The following SBF2 variants were observed in gnomAD, a reference collection of about 807,000 sequenced individuals.
The protein encoded by SBF2 is myotubularin-related protein 13.
Under a neutral mutation model 225.2 loss-of-function variants are expected in SBF2, and 112 were observed. The observed-to-expected ratio is 0.50, with a 90% CI of 0.43 to 0.58. The LOEUF (loss-of-function observed/expected upper bound fraction) is 0.58, where lower values mean the gene tolerates loss of function less well. Among genes scored for constraint, SBF2 ranks in the 20% least tolerant of loss-of-function variants. The pLI is 0.00. For missense variants in SBF2, 1,996 were observed against 2,206.2 expected (o/e 0.90, Z 1.91); for synonymous variants, 763 against 773.3 (o/e 0.99, Z 0.22).
rs118021014 is a variant in SBF2 at position 9,955,936 on chromosome 11, A to T, written c.1860+6021T>A. Among the ~76,000 whole-genome samples, 642 of 152,236 alleles carry T rather than the reference A, an allele frequency of 4.2e-3. 5 individuals are homozygous for T. Among genetic ancestry groups the T allele is most frequent in the South Asian group, 0.021 (99 of 4,826 alleles). ...TAAATATCCTTAAATAGTATATAAC[A>T]TGCACTTGAATTTTGTAAAGTGGAT... On this transcript the variant is annotated intron_variant, in intron 16 of 39. Coordinates refer to ENST00000256190, the MANE Select transcript of SBF2 (RefSeq NM_030962.4).
intron 9 of SBF2, among the ~76,000 whole-genome samples, chr11:9,996,523 G>T (rs1044563132): frequency 6.6e-5 from 10 of 152,112 alleles, no homozygotes; most frequent in African/African-American, 2.2e-4. Context: ...CTGAGTAGCT[G>T]GGATTACAGG....
intron 2 of SBF2, among the ~76,000 whole-genome samples, chr11:10,191,743 A>G (rs544997964): frequency 5.9e-5 from 9 of 152,222 alleles, no homozygotes; most frequent in South Asian, 2.1e-4. Context: ...GCACTTGAAC[A>G]TGGCAGTGTC....
chr11:9,795,392 AG>A, intron 33 of SBF2, among the ~76,000 whole-genome samples: 1 of 152,130 alleles, frequency 6.6e-6, no homozygotes, highest in Non-Finnish European at 1.5e-5. Context: ...AGGCTCAGAG[AG>A]GTACTTAACC....
intron 14 of SBF2, 90 bp downstream of exon 14, chr11:9,968,251 G>T (rs1484973722): frequency 5.1e-6 from 6 of 1,171,736 alleles, no homozygotes; most frequent in Non-Finnish European, 7.7e-6. Flanking sequence ...TGTTCACTTT[G>T]TGAAAATTCA....
chr11:9,988,194 A>G (rs1947275725), intron 13 of SBF2, among the ~76,000 whole-genome samples: 1 of 152,224 alleles, frequency 6.6e-6, no homozygotes, highest in African/African-American at 2.4e-5. Context: ...TGGTGCTGGG[A>G]TAATTGGTTA....
intron 2 of SBF2, among the ~76,000 whole-genome samples, chr11:10,099,911 A>G (rs1015407858): frequency 4.6e-5 from 7 of 152,208 alleles, no homozygotes; most frequent in African/African-American, 1.7e-4. Context: ...GTTACAATGA[A>G]AAACACAAAA....
At chr11:9,978,856 G>A (rs1020080977) in intron 13 of SBF2, among the ~76,000 whole-genome samples, 1 of 152,232 alleles carries the variant, frequency 6.6e-6, no homozygotes, top group Admixed American at 6.5e-5. Flanking sequence ...AAAAGTAGCT[G>A]GGTGTGGTGG....
chr11:10,281,454 G>T (rs1963402968), intron 1 of SBF2, among the ~76,000 whole-genome samples: 1 of 152,164 alleles, frequency 6.6e-6, no homozygotes, highest in Non-Finnish European at 1.5e-5. Flanking sequence ...TTATTCACAT[G>T]TTTATAGCTG....
intron 1 of SBF2, among the ~76,000 whole-genome samples, chr11:10,272,784 T>TAATAAC (rs1555104206): frequency 9.4e-5 from 14 of 149,630 alleles, no homozygotes; most frequent in Non-Finnish European, 2.1e-4. Flanking sequence ...ATAATAATAA[T>TAATAAC]AACATGCCGG....
In SBF2 at chr11:9,854,902, A is replaced by G. The variant is rs563151083; in HGVS notation, c.2364-1190T>C. 2.6e-5 allele frequency among the ~76,000 whole-genome samples: 4 copies of G among 152,310 alleles called. No homozygotes were observed. The East Asian group carries it at 7.7e-4, about 29-fold the overall frequency. The stretch of plus-strand genomic sequence containing the variant: ...GCCCCATGCCTGGTCCAAAACTTTA[A>G]AAGAAATGTAAAATATAGTTATTGC... On this transcript the variant is annotated intron_variant, in intron 19 of 39. Transcript: ENST00000256190.
intron 16 of SBF2, among the ~76,000 whole-genome samples, chr11:9,955,814 C>G (rs548210282): frequency 8.5e-5 from 13 of 152,192 alleles, no homozygotes; most frequent in Non-Finnish European, 1.3e-4. Flanking sequence ...ACTGCCCCTC[C>G]TCTGTGTCCC....
At chr11:9,806,779 T>C (rs756876501) in intron 32 of SBF2, among the ~76,000 whole-genome samples, 1 of 152,222 alleles carries the variant, frequency 6.6e-6, no homozygotes, top group Non-Finnish European at 1.5e-5. Context: ...CTCATGAGTA[T>C]GGAGTTTCTT....
At chr11:10,091,655 G>A (rs755923047) in intron 2 of SBF2, among the ~76,000 whole-genome samples, 15 of 152,156 alleles carry the variant, frequency 9.9e-5, no homozygotes, top group Non-Finnish European at 2.1e-4. Flanking sequence ...CATAGAGGAG[G>A]AACTGTATCT....
At chr11:10,243,226 T>C (rs1181988391) in intron 1 of SBF2, among the ~76,000 whole-genome samples, 1 of 151,720 alleles carries the variant, frequency 6.6e-6, no homozygotes, top group Admixed American at 6.6e-5. Flanking sequence ...CTGGAACAAC[T>C]AATGGGTCAA....
intron 2 of SBF2, among the ~76,000 whole-genome samples, chr11:10,141,777 C>A (rs1954659878): frequency 6.6e-6 from 1 of 152,146 alleles, no homozygotes; most frequent in Admixed American, 6.5e-5. Flanking sequence ...GACTCCCCAA[C>A]TGATACATTA....
intron 20 of SBF2, among the ~76,000 whole-genome samples, chr11:9,853,312 T>C (rs1390046640): frequency 1.3e-5 from 2 of 152,182 alleles, no homozygotes; most frequent in Non-Finnish European, 2.9e-5. Flanking sequence ...TAGATAACAG[T>C]GATGGCTGCA....
chr11:9,847,668 G>A (rs1347923093), intron 22 of SBF2, among the ~76,000 whole-genome samples: 1 of 152,076 alleles, frequency 6.6e-6, no homozygotes, highest in Non-Finnish European at 1.5e-5. Context: ...AAACAAGCCT[G>A]GACTTAAGCG....
chr11:10,274,695 G>A (rs189563754), intron 1 of SBF2, among the ~76,000 whole-genome samples: 86 of 149,968 alleles, frequency 5.7e-4, no homozygotes, highest in African/African-American at 2.1e-3. Context: ...AGATTGCAGT[G>A]AGCCGAGATT....
At chr11:10,108,487 G>A (rs905649234) in intron 2 of SBF2, among the ~76,000 whole-genome samples, 6 of 150,284 alleles carry the variant, frequency 4.0e-5, no homozygotes, top group Non-Finnish European at 5.9e-5. Flanking sequence ...CCTCAAAGAA[G>A]GCTGCAAAAA....
Sources: allele counts gnomAD v4.1 joint callset (sites outside exome capture counted in the v4.1 genomes callset), GRCh38; gene constraint gnomAD v4.1.1; transcripts MANE v1.5; gene names NCBI Gene and HGNC (gene_info 2026-07-23, HGNC 2026-07-21).